TRPM3: variants seen among roughly 807,000 people sequenced by gnomAD.
The protein encoded by TRPM3 is long transient receptor potential channel 3.
TRPM3 carries 77 observed loss-of-function variants against 181.2 expected under a neutral mutation model. That is an observed-to-expected ratio of 0.42 (90% confidence interval 0.35 to 0.51). The LOEUF is 0.51. Ranked by LOEUF, TRPM3 falls within the 20% of genes least tolerant of loss-of-function variation. The probability of loss-of-function intolerance (pLI) is 0.01; values close to 1 mark genes in which losing one functional copy is unlikely to be tolerated. For synonymous variants in TRPM3, 745 were observed against 796.4 expected (o/e 0.94, Z 1.09); for missense variants, 1,759 against 2,196.7 (o/e 0.80, Z 3.98).
chr9:71,037,356 T>C (rs954404739), intron 1 of TRPM3, among the ~76,000 whole-genome samples: 6 of 152,220 alleles, frequency 3.9e-5, no homozygotes, highest in Non-Finnish European at 7.3e-5. Context: ...AGTTTGAATA[T>C]GTAACACAAA....
At chr9:70,987,260 C>G (rs1409582582) in intron 1 of TRPM3, among the ~76,000 whole-genome samples, 1 of 152,008 alleles carries the variant, frequency 6.6e-6, no homozygotes, top group Non-Finnish European at 1.5e-5. Context: ...CAGAATGGCT[C>G]AAAACTTAAA....
chr9:70,752,276 T>C (rs1264303919), intron 8 of TRPM3, among the ~76,000 whole-genome samples: 1 of 152,072 alleles, frequency 6.6e-6, no homozygotes, highest in Admixed American at 6.6e-5. Context: ...CATGTATAGG[T>C]GGAAACCTGC....
chr9:71,222,054 A>G lies in TRPM3; in HGVS notation c.183+224599T>C, dbSNP rs567534481. ...CAAGAATTATGTTTAATTCATCTTCATATGTGATCAAGATACCTCCCACAG... is the reference window on the plus strand; with the variant it reads ...CAAGAATTATGTTTAATTCATCTTCGTATGTGATCAAGATACCTCCCACAG... On this transcript the variant is annotated intron_variant, in intron 1 of 24. Transcript: ENST00000357533. 8.6e-4 allele frequency among the ~76,000 whole-genome samples: 131 copies of G among 152,324 alleles called. 1 individual carries two copies. The highest frequency in any genetic ancestry group is 1.4e-3 in the Non-Finnish European group (92 of 68,036).
rs756587392 is a variant in TRPM3, at chr9:70,761,688, C to A, written c.1185G>T (p.Val395=). The A allele has an allele frequency of 5.1e-5, 83 of 1,613,260 alleles. No homozygotes were observed. The Middle Eastern group carries it at 9.9e-4, about 19-fold the overall frequency. Residue 395 remains valine, a synonymous_variant, in exon 8 of 26, where the codon GTG becomes GTT. Transcript: ENST00000677713. ...TGTATGTGAAAGTCTTCTGTATAGT[C>A]ACCAACAGCTGGTCCCTCAAAGATT... The part of the protein sequence containing the change: ...INESLRDQLL[V]TIQKTFTYTR...
At chr9:70,777,320 T>C (rs2081550554) in intron 7 of TRPM3, among the ~76,000 whole-genome samples, 1 of 152,116 alleles carries the variant, frequency 6.6e-6, no homozygotes, top group African/African-American at 2.4e-5. Flanking sequence ...ATTTAGTCCA[T>C]GTAGGGCACT....
intron 1 of TRPM3, among the ~76,000 whole-genome samples, chr9:71,189,957 C>T (rs554980452): frequency 6.6e-6 from 1 of 152,018 alleles, no homozygotes; most frequent in South Asian, 2.1e-4. Context: ...AATTTATCTG[C>T]AGCCTATAGC....
chr9:70,680,552 G>GAAT (rs1180441381), intron 9 of TRPM3, among the ~76,000 whole-genome samples: 5 of 152,136 alleles, frequency 3.3e-5, no homozygotes, highest in Admixed American at 2.0e-4. Context: ...GTGTTAAGAA[G>GAAT]GTAGTAATGA....
intron 1 of TRPM3, among the ~76,000 whole-genome samples, chr9:71,236,420 C>A (rs2081353954): frequency 6.6e-6 from 1 of 152,114 alleles, no homozygotes; most frequent in South Asian, 2.1e-4. Context: ...CACCCTCTAC[C>A]CGCCCCACAT....
At chr9:70,840,804 C>T (rs950211357) in intron 5 of TRPM3, among the ~76,000 whole-genome samples, 17 of 152,062 alleles carry the variant, frequency 1.1e-4, no homozygotes, top group African/African-American at 3.4e-4. Context: ...AGCCAGTAGG[C>T]CAGCATTCTC....
intron 1 of TRPM3, among the ~76,000 whole-genome samples, chr9:71,055,090 C>T (rs1255644195): frequency 6.6e-6 from 1 of 151,980 alleles, no homozygotes; most frequent in Non-Finnish European, 1.5e-5. Flanking sequence ...ATTATTAAGT[C>T]ATGTTAAGGT....
chr9:70,694,602 TC>T (rs1487406707), intron 8 of TRPM3, among the ~76,000 whole-genome samples: 1 of 152,100 alleles, frequency 6.6e-6, no homozygotes, highest in Non-Finnish European at 1.5e-5. Flanking sequence ...TGCCTCAGCC[TC>T]CCGAGTAGCT....
At chr9:71,250,893 A>C (rs1350478929) in intron 1 of TRPM3, among the ~76,000 whole-genome samples, 3 of 152,154 alleles carry the variant, frequency 2.0e-5, no homozygotes, top group African/African-American at 7.2e-5. Flanking sequence ...AGGTCATTGC[A>C]GAATGTTGTA....
intron 1 of TRPM3, among the ~76,000 whole-genome samples, chr9:70,912,290 G>A (rs1468751319): frequency 6.6e-6 from 1 of 152,172 alleles, no homozygotes; most frequent in Non-Finnish European, 1.5e-5. Flanking sequence ...GCAAAGGTAT[G>A]AAGTTAAGAA....
intron 22 of TRPM3, among the ~76,000 whole-genome samples, chr9:70,588,403 G>GTACATAA (rs2057516191): frequency 6.6e-6 from 1 of 151,934 alleles, no homozygotes; most frequent in Non-Finnish European, 1.5e-5. Flanking sequence ...ATCCATATAC[G>GTACATAA]TCCAACCCAA....
intron 1 of TRPM3, among the ~76,000 whole-genome samples, chr9:71,402,086 C>CA (rs935855629): frequency 6.6e-6 from 1 of 152,170 alleles, no homozygotes; most frequent in Admixed American, 6.5e-5. Flanking sequence ...AATGAACATT[C>CA]AAACAAACTG....
At chr9:70,788,950 G>A (rs1056077313) in intron 6 of TRPM3, among the ~76,000 whole-genome samples, 6 of 152,158 alleles carry the variant, frequency 3.9e-5, no homozygotes, top group African/African-American at 7.2e-5. Flanking sequence ...CTTGCCAGCC[G>A]CTCACCTATG....
chr9:71,180,859 T>C (rs1264284429), intron 1 of TRPM3, among the ~76,000 whole-genome samples: 1 of 152,104 alleles, frequency 6.6e-6, no homozygotes, highest in African/African-American at 2.4e-5. Flanking sequence ...GAGAGGCTCC[T>C]CACCTCCCCT....
At chr9:71,208,853 A>G (rs770272828) in intron 1 of TRPM3, among the ~76,000 whole-genome samples, 8 of 152,170 alleles carry the variant, frequency 5.3e-5, no homozygotes, top group Non-Finnish European at 1.2e-4. Context: ...CATAAAGGTA[A>G]CCCTCTGTGC....
intron 1 of TRPM3, among the ~76,000 whole-genome samples, chr9:71,364,345 C>G (rs1244443765): frequency 6.6e-6 from 1 of 152,158 alleles, no homozygotes; most frequent in Non-Finnish European, 1.5e-5. Context: ...TAATATGAGA[C>G]ACATGCAGTC....
Sources: allele counts gnomAD v4.1 joint callset (sites outside exome capture counted in the v4.1 genomes callset), GRCh38; gene constraint gnomAD v4.1.1; transcripts MANE v1.5; gene names NCBI Gene and HGNC (gene_info 2026-07-23, HGNC 2026-07-21).